RNF122: variants seen among roughly 807,000 people sequenced by gnomAD.
RNF122 encodes the protein ring finger protein 122.
Under a neutral mutation model 24.2 loss-of-function variants are expected in RNF122, and 17 were observed. The observed-to-expected ratio is 0.70, with a 90% CI of 0.48 to 1.06. The LOEUF (loss-of-function observed/expected upper bound fraction) is 1.06. RNF122 is among the 50% of genes least tolerant of loss of function. The pLI, the probability that RNF122 is intolerant of heterozygous loss-of-function variation, is 0.00. For missense variants in RNF122, 168 were observed against 198.1 expected (o/e 0.85, Z 0.91); for synonymous variants, 65 against 71.8 (o/e 0.91, Z 0.48).
At chr8:33,549,262 A>T (rs2128837904) in intron 5 of RNF122, 148 bp downstream of exon 5, 2 of 688,230 alleles carry the variant, frequency 2.9e-6, no homozygotes, top group Non-Finnish European at 5.3e-6. Flanking sequence ...TCCCAACCTA[A>T]TCCCTCTGGG....
intron 1 of RNF122, among the ~76,000 whole-genome samples, chr8:33,560,669 T>G (rs549761511): frequency 1.3e-5 from 2 of 151,336 alleles, no homozygotes; most frequent in Non-Finnish European, 3.0e-5. Flanking sequence ...AGGCATGGTG[T>G]CTCACGCCTG....
At chr8:33,553,883 T>C (rs552819463) in intron 2 of RNF122, among the ~76,000 whole-genome samples, 1 of 152,354 alleles carries the variant, frequency 6.6e-6, no homozygotes, top group Admixed American at 6.5e-5. Flanking sequence ...AGTGGACTCA[T>C]GCCACGGGCT....
At chr8:33,559,189 C>T (rs1049923297) in intron 1 of RNF122, among the ~76,000 whole-genome samples, 2 of 151,924 alleles carry the variant, frequency 1.3e-5, no homozygotes, top group African/African-American at 4.8e-5. Context: ...CCATGTAGTC[C>T]CAGCTACTCA....
At chr8:33,554,929 G>T (rs932218138) in intron 2 of RNF122, among the ~76,000 whole-genome samples, 1 of 152,158 alleles carries the variant, frequency 6.6e-6, no homozygotes, top group East Asian at 1.9e-4. Context: ...GGCCTATTTT[G>T]GCTGAGGAGG....
chr8:33,551,105 A>G lies in RNF122; in HGVS notation c.229-20T>C. The G allele has an allele frequency of 1.2e-6, 2 of 1,614,034 alleles. No homozygotes were observed. The highest frequency in any genetic ancestry group is 1.7e-6 in the Non-Finnish European group (2 of 1,179,912). ...CACCACCTGAAAAGAAAGAGGAGGC[A>G]TGATGTCCAAAGAAGAACCAACCAC... On this transcript the variant is annotated intron_variant, in intron 3 of 5. Transcript: ENST00000256257.
At chr8:33,549,814 C>G (rs1402766448) in intron 4 of RNF122, among the ~76,000 whole-genome samples, 1 of 152,158 alleles carries the variant, frequency 6.6e-6, no homozygotes, top group African/African-American at 2.4e-5. Context: ...GTTTCCACTG[C>G]ACTGGAAATT....
Position 33,548,736 on chromosome 8 carries a change from C to T in RNF122, c.*17G>A, listed in dbSNP as rs529550015. On this transcript the variant is annotated 3_prime_UTR_variant, in exon 6 of 6. Coordinates refer to ENST00000256257, the MANE Select transcript of RNF122 (RefSeq NM_024787.3). ...GAGGCAAGAGGTCTTCTCCAGGTCT[C>T]GGTGTAGCGGCAGCACTCACACCAG... 7.3e-6 allele frequency: 11 copies of T among 1,511,908 alleles called. No individual in the cohort carries two copies. The highest frequency in any genetic ancestry group is 4.5e-5 in the South Asian group (4 of 89,022). 93.7% of individuals were successfully genotyped at this position (1,511,908 alleles called of 1,614,324 possible). A position where few individuals can be genotyped will look rare whatever the true frequency, so the allele number is the denominator to read the frequency against.
Position 33,549,337 on chromosome 8 carries a change from G to C in RNF122, c.353+73C>G, listed in dbSNP as rs1810336742. 3.3e-6 allele frequency: 4 copies of C among 1,219,712 alleles called. No individual in the cohort carries two copies. The East Asian group carries it at 7.0e-5, about 21-fold the overall frequency. 75.6% of individuals were successfully genotyped at this position (1,219,712 alleles called of 1,614,324 possible). ...TAAGGGGCAAATAGAAAGTGGCAGAGACTGGAAGTTTCCAGAAGATGCTCC... is the reference window on the plus strand; with the variant it reads ...TAAGGGGCAAATAGAAAGTGGCAGACACTGGAAGTTTCCAGAAGATGCTCC... On this transcript the variant is annotated intron_variant, in intron 5 of 5. Transcript: ENST00000256257.
chr8:33,554,704 A>G (rs1585358150), intron 2 of RNF122, among the ~76,000 whole-genome samples: 1 of 152,208 alleles, frequency 6.6e-6, no homozygotes, highest in Non-Finnish European at 1.5e-5. Context: ...TTTCAATGAG[A>G]CCATTTCTAG....
intron 2 of RNF122, among the ~76,000 whole-genome samples, chr8:33,552,021 C>G (rs1359659809): frequency 6.6e-6 from 1 of 152,194 alleles, no homozygotes; most frequent in East Asian, 1.9e-4. Flanking sequence ...TTATGAAGTA[C>G]TTGCTATATG....
At chr8:33,561,430 G>T (rs1259896540) in intron 1 of RNF122, among the ~76,000 whole-genome samples, 1 of 152,034 alleles carries the variant, frequency 6.6e-6, no homozygotes, top group Non-Finnish European at 1.5e-5. Flanking sequence ...TACTGCCACA[G>T]CCCTATTGTA....
Position 33,549,116 on chromosome 8 carries a change from G to A in RNF122, c.354-249C>T, listed in dbSNP as rs375679367. On this transcript the variant is annotated intron_variant, in intron 5 of 5. Transcript: ENST00000256257. The stretch of plus-strand genomic sequence containing the variant: ...GACACCTGTAATCCCAGCTACTTGG[G>A]AGGCTGAGGCAGGAGAATCGCTTGA... Among the ~76,000 whole-genome samples the A allele has an allele frequency of 2.9e-3, 438 of 152,190 alleles. 2 individuals carry two copies. Among genetic ancestry groups the A allele is most frequent in the African/African-American group, 9.9e-3 (411 of 41,498 alleles).
chr8:33,551,502 C>T, intron 2 of RNF122, 113 bp from the exon 3 acceptor site: 1 of 977,040 alleles, frequency 1.0e-6, no homozygotes, highest in Non-Finnish European at 1.6e-6. Context: ...GGTGCTTGTC[C>T]CATACACACC....
Position 33,567,110 on chromosome 8 carries a change from C to T in RNF122, c.-387G>A. 1 of 278,092 alleles carries T rather than the reference C, an allele frequency of 3.6e-6. No homozygotes were observed. The highest frequency in any genetic ancestry group is 3.3e-5 in the South Asian group (1 of 30,042). 17.2% of individuals were successfully genotyped at this position (278,092 alleles called of 1,614,324 possible). A position where few individuals can be genotyped will look rare whatever the true frequency, so the allele number is the denominator to read the frequency against. On this transcript the variant is annotated 5_prime_UTR_variant, in exon 1 of 6. Coordinates refer to ENST00000256257, the MANE Select transcript of RNF122 (RefSeq NM_024787.3). Reference sequence around the variant, plus strand: ...GTTCAGCGGCGCAGAGGTGAGCTGGCTGGGGTTCCGAAACTGACACCCGGC... The same window carrying T: ...GTTCAGCGGCGCAGAGGTGAGCTGGTTGGGGTTCCGAAACTGACACCCGGC...
At chr8:33,557,537 A>G (rs1810473666) in intron 2 of RNF122, among the ~76,000 whole-genome samples, 1 of 151,978 alleles carries the variant, frequency 6.6e-6, no homozygotes, top group Non-Finnish European at 1.5e-5. Context: ...CTGAGGCAGG[A>G]CAATCGCTTT....
intron 2 of RNF122, among the ~76,000 whole-genome samples, chr8:33,558,115 T>A (rs1420638737): frequency 1.3e-5 from 2 of 151,938 alleles, no homozygotes; most frequent in African/African-American, 4.8e-5. Context: ...AGCCTGAGCA[T>A]CTCAAAAAAA....
chr8:33,566,441 C>G (rs1459994079), intron 1 of RNF122, among the ~76,000 whole-genome samples: 1 of 152,206 alleles, frequency 6.6e-6, no homozygotes, highest in Admixed American at 6.5e-5. Flanking sequence ...ACACAAAGGC[C>G]GGGAACCCCT....
intron 1 of RNF122, among the ~76,000 whole-genome samples, chr8:33,565,703 G>C (rs1033627910): frequency 6.6e-6 from 1 of 152,178 alleles, no homozygotes; most frequent in Non-Finnish European, 1.5e-5. Flanking sequence ...TGGGGCGAGG[G>C]GTTGTCGCGT....
At chr8:33,550,166 C>A (rs1479282332) in intron 4 of RNF122, among the ~76,000 whole-genome samples, 1 of 152,182 alleles carries the variant, frequency 6.6e-6, no homozygotes, top group East Asian at 1.9e-4. Context: ...CTCCTGACCT[C>A]AGGTGAGCCA....
Sources: gnomAD v4.1 joint callset for allele counts (sites outside exome capture counted in the v4.1 genomes callset) on GRCh38, gnomAD v4.1.1 for gene constraint, MANE v1.5 for transcripts, NCBI Gene and HGNC (gene_info 2026-07-23, HGNC 2026-07-21) for gene names.